Variants in GCN1 observed in about 807,000 individuals in gnomAD.
GCN1 encodes the protein GCN1 activator of EIF2AK4.
In GCN1, 90 loss-of-function variants were observed where a neutral mutation model predicts 288.4. The ratio of observed to expected loss-of-function variants is 0.31; its 90% CI spans 0.26 to 0.37. GCN1 has a LOEUF of 0.37. Among genes scored for constraint, GCN1 ranks in the 10% least tolerant of loss-of-function variants. The pLI is 1.00. For synonymous variants in GCN1, 1,386 were observed against 1,420.2 expected, an observed-to-expected ratio of 0.98 and a Z score of 0.54; for missense variants, 2,586 against 3,419.9, an observed-to-expected ratio of 0.76 and a Z score of 6.08.
chr12:120,134,237 G>A lies in GCN1; in HGVS notation c.7317+54C>T, dbSNP rs1320057877. On this transcript the variant is annotated intron_variant, in intron 53 of 57. Transcript: ENST00000300648. This position sits in a 1 kb window ranked among gnomAD's most constrained non-coding sequence, Gnocchi z 5.0. ...CAAAGTGAAGAACTCAACCTAAGGAGGAGGAGGGAAACCAGTGGTCCAGTG... is the reference window on the plus strand; with the variant it reads ...CAAAGTGAAGAACTCAACCTAAGGAAGAGGAGGGAAACCAGTGGTCCAGTG... The A allele has an allele frequency of 2.5e-6, 3 of 1,183,214 alleles. No individual in the cohort carries two copies. The highest frequency in any genetic ancestry group is 1.7e-5 in the Admixed American group (1 of 59,224). The allele number at this position is 1,183,214 out of a possible 1,614,324, so 73.3% of individuals were successfully genotyped here. A position where few individuals can be genotyped will look rare whatever the true frequency, so the allele number is the denominator to read the frequency against.
At chr12:120,182,099 A>T (rs1467957108) in intron 5 of GCN1, among the ~76,000 whole-genome samples, 2 of 151,274 alleles carry the variant, frequency 1.3e-5, no homozygotes, top group Non-Finnish European at 2.9e-5. Flanking sequence ...CAGTGAGCCG[A>T]GATTGCGCCA....
intron 2 of GCN1, among the ~76,000 whole-genome samples, chr12:120,186,016 G>A (rs984988466): frequency 1.3e-5 from 2 of 152,132 alleles, no homozygotes; most frequent in Non-Finnish European, 2.9e-5. Context: ...TGGGCAGAAA[G>A]AGTTCAACTC....
intron 36 of GCN1, 58 bp downstream of exon 36, chr12:120,149,548 G>T: frequency 1.6e-6 from 2 of 1,216,956 alleles, no homozygotes; most frequent in Non-Finnish European, 1.2e-6. Flanking sequence ...CAGGATCCTT[G>T]CTGAGGCTGG....
In GCN1 at chr12:120,148,249, G is replaced by C. The variant is rs375113810; in HGVS notation, c.4644C>G (p.Thr1548=). 1.2e-6 allele frequency: 2 copies of C among 1,613,944 alleles called. No homozygotes were observed. The highest frequency in any genetic ancestry group is 1.6e-4 in the Middle Eastern group (1 of 6,062). Residue 1548 remains threonine (T), a synonymous_variant, in exon 37 of 58, where the codon ACC becomes ACG. Transcript: ENST00000300648. ...NIVPKLTEVL[T]DSHVKVQKAG... is the part of the protein sequence containing the mutation. ...CCTTCTGGACTTTGACATGGGAGTCGGTCAGCACCTCCGTAAGCTTGGGCA... is the reference window on the plus strand; with the variant it reads ...CCTTCTGGACTTTGACATGGGAGTCCGTCAGCACCTCCGTAAGCTTGGGCA...
Position 120,168,231 on chromosome 12 carries a change from A to T in GCN1, c.1589T>A (p.Phe530Tyr), listed in dbSNP as rs761560385. The T allele has an allele frequency of 3.1e-6, 5 of 1,593,028 alleles. No individual in the cohort carries two copies. In the East Asian group the frequency reaches 8.9e-5, roughly 28 times the overall value. The change falls in exon 16 of 58, where the codon TTC (phenylalanine) becomes TAC (tyrosine). Residue 530 changes from phenylalanine (F) to tyrosine (Y), a missense_variant. Phe to Tyr is a conservative substitution (Grantham distance 22, BLOSUM62 3). This residue lies in a region of GCN1 where 913 missense variants were observed against 1,107.0 expected (regional missense o/e 0.82). Coordinates refer to ENST00000300648, the MANE Select transcript of GCN1 (RefSeq NM_006836.2). ...ACCATCCTCTGAAGCCATGACCAGG[A>T]ATTTCTCAGAAGTGAAAACCTGCTT... ...EKKQVFTSEK[F>Y]LVMASEDALC...
At chr12:120,164,865 G>GT (rs1179691643) in intron 16 of GCN1, 144 bp from the exon 17 acceptor site, 36,750 of 361,370 alleles carry the variant, frequency 0.1, 160 homozygotes, top group South Asian at 0.12. Flanking sequence ...ATTACAGCTT[G>GT]TTTTTTTTTT....
chr12:120,185,708 C>A (rs1156976923), intron 2 of GCN1, among the ~76,000 whole-genome samples: 2 of 152,116 alleles, frequency 1.3e-5, no homozygotes, highest in Admixed American at 1.3e-4. Flanking sequence ...TCAAGTGATT[C>A]TCCTGCCTCA....
chr12:120,140,295 G>GTCTCCAGGATCATTTA (rs1344833671), intron 45 of GCN1, among the ~76,000 whole-genome samples: 1 of 152,134 alleles, frequency 6.6e-6, no homozygotes, highest in African/African-American at 2.4e-5. Flanking sequence ...CCCCAGGGTG[G>GTCTCCAGGATCATTTA]TCTCCAGGAT....
In GCN1 at chr12:120,144,537, T is replaced by C; in HGVS notation, c.5353-89A>G. 6.4e-7 allele frequency: 1 copy of C among 1,564,442 alleles called. No individual in the cohort carries two copies. The highest frequency in any genetic ancestry group is 8.7e-7 in the Non-Finnish European group (1 of 1,148,104). On this transcript the variant is annotated intron_variant, in intron 41 of 57. Coordinates refer to ENST00000300648, the MANE Select transcript of GCN1 (RefSeq NM_006836.2). This position sits in a 1 kb window ranked among gnomAD's most constrained non-coding sequence, Gnocchi z 4.7. ...GGGGCTCACTGAAGGCTGAGGGCTCTGCCAACCAACCCCAGCCAGCAGGGA... is the reference window on the plus strand; with the variant it reads ...GGGGCTCACTGAAGGCTGAGGGCTCCGCCAACCAACCCCAGCCAGCAGGGA...
intron 53 of GCN1, among the ~76,000 whole-genome samples, chr12:120,133,190 G>A (rs562099233): frequency 3.3e-5 from 5 of 152,144 alleles, no homozygotes; most frequent in Admixed American, 6.5e-5. Flanking sequence ...GCAGGTGTGG[G>A]CAGGAGGAGT....
chr12:120,159,769 C>G (rs1322342513), intron 24 of GCN1, 56 bp downstream of exon 24: 8 of 1,472,408 alleles, frequency 5.4e-6, no homozygotes, highest in African/African-American at 1.4e-5. Context: ...CACACCCTGT[C>G]CAAGCACTCA....
At chr12:120,167,240 C>G (rs914795686) in intron 16 of GCN1, among the ~76,000 whole-genome samples, 10 of 150,790 alleles carry the variant, frequency 6.6e-5, no homozygotes, top group Non-Finnish European at 1.5e-4. Context: ...GTAATCCCAG[C>G]TACTCAGGAG....
intron 45 of GCN1, among the ~76,000 whole-genome samples, 176 bp downstream of exon 45, chr12:120,140,683 G>T (rs1049967415): frequency 6.6e-6 from 1 of 152,192 alleles, no homozygotes; most frequent in Non-Finnish European, 1.5e-5. Flanking sequence ...GGAAAGCTGA[G>T]AAGACGGAGC....
chr12:120,158,740 C>T lies in GCN1; in HGVS notation c.2750-125G>A, dbSNP rs1566308465. The T allele has an allele frequency of 2.4e-5, 20 of 833,022 alleles. No homozygotes were observed. The East Asian group carries it at 3.6e-4, about 15-fold the overall frequency. The allele number at this position is 833,022 out of a possible 1,614,324, so 51.6% of individuals were successfully genotyped here. ...AAAAAAATATTTCTGCGGCTGGGCG[C>T]GGTGGCTGATGCCTGTAATCCCAGC... is the stretch of plus-strand genomic sequence containing the variant. On this transcript the variant is annotated intron_variant, in intron 24 of 57. Coordinates refer to ENST00000300648, the MANE Select transcript of GCN1 (RefSeq NM_006836.2). This position sits in a 1 kb window ranked among gnomAD's most constrained non-coding sequence, Gnocchi z 4.3.
rs1234639059 is a variant in GCN1, at chr12:120,153,489, G to C, written c.3868-82C>G. 7.8e-7 allele frequency: 1 copy of C among 1,282,292 alleles called. No homozygotes were observed. The highest frequency in any genetic ancestry group is 1.4e-5 in the South Asian group (1 of 72,638). The allele number at this position is 1,282,292 out of a possible 1,614,324, so 79.4% of individuals were successfully genotyped here. ...CAACAGTCCCTGCCCTGAGGACCAA[G>C]ACCAAGTCTAGCTCTGGGACAGGCA... is the stretch of plus-strand genomic sequence containing the variant. On this transcript the variant is annotated intron_variant, in intron 32 of 57. Transcript: ENST00000300648. The surrounding 1 kb of genome is among the most constrained non-coding windows in gnomAD (Gnocchi z 4.4).
At chr12:120,128,110 C>G (rs1876677628) in intron 57 of GCN1, 136 bp from the exon 58 acceptor site, 2 of 801,932 alleles carry the variant, frequency 2.5e-6, no homozygotes, top group Admixed American at 5.1e-5. Flanking sequence ...ATAAGGGAAT[C>G]AGATGGATCC....
At position 120,158,082 on chromosome 12, in the gene GCN1, C is replaced by A; in HGVS notation, c.2906-52G>T. 6.4e-7 allele frequency: 1 copy of A among 1,552,542 alleles called. No homozygotes were observed. The highest frequency in any genetic ancestry group is 8.8e-7 in the Non-Finnish European group (1 of 1,131,184). On this transcript the variant is annotated intron_variant, in intron 25 of 57. Coordinates refer to ENST00000300648, the MANE Select transcript of GCN1 (RefSeq NM_006836.2). This position sits in a 1 kb window ranked among gnomAD's most constrained non-coding sequence, Gnocchi z 4.3. ...TCTGCAGGCAGGGCAGGGACCCGGGCCACTGCTGCCTATTTCTATCCTCAG... is the reference window on the plus strand; with the variant it reads ...TCTGCAGGCAGGGCAGGGACCCGGGACACTGCTGCCTATTTCTATCCTCAG...
chr12:120,192,377 T>C (rs919511333), intron 1 of GCN1, among the ~76,000 whole-genome samples: 1 of 152,206 alleles, frequency 6.6e-6, no homozygotes, highest in African/African-American at 2.4e-5. Context: ...TCCTTGCAAG[T>C]ATGAAAATGT....
In GCN1 at chr12:120,153,716, G is replaced by A. The variant is rs1877645958; in HGVS notation, c.3867+28C>T. On this transcript the variant is annotated intron_variant, in intron 32 of 57. Transcript: ENST00000300648. The surrounding 1 kb of genome is among the most constrained non-coding windows in gnomAD (Gnocchi z 4.4). The stretch of plus-strand genomic sequence containing the variant: ...GGCTGGGACCCCCTTACCTTCCCGT[G>A]GGTGTTCCCTGGCTGGGACCCCCTT... 1.2e-6 allele frequency: 2 copies of A among 1,607,544 alleles called. No homozygotes were observed. Among genetic ancestry groups the A allele is most frequent in the African/African-American group, 1.3e-5 (1 of 74,872 alleles).
Sources: gnomAD v4.1 joint callset for allele counts (sites outside exome capture counted in the v4.1 genomes callset) on GRCh38, gnomAD v4.1.1 for gene constraint, gnomAD v4.1.1 regional missense constraint, Gnocchi (gnomAD v3.1) non-coding constraint, MANE v1.5 for transcripts, NCBI Gene and HGNC (gene_info 2026-07-23, HGNC 2026-07-21) for gene names.